The following NEMF variants were observed in gnomAD, a reference collection of about 807,000 sequenced individuals.
The protein encoded by NEMF is nuclear export mediator factor.
Under a neutral mutation model 162.2 loss-of-function variants are expected in NEMF, and 89 were observed. The ratio of observed to expected loss-of-function variants is 0.55; its 90% confidence interval spans 0.46 to 0.65. NEMF has a LOEUF of 0.65. Among genes scored for constraint, NEMF ranks in the 30% least tolerant of loss-of-function variants. NEMF has a pLI of 0.00. For synonymous variants in NEMF, 421 were observed against 404.5 expected, an observed-to-expected ratio of 1.04 and a Z score of -0.49; for missense variants, 1,133 against 1,261.9, an observed-to-expected ratio of 0.90 and a Z score of 1.55.
chr14:49,814,802 G>A lies in NEMF; in HGVS notation c.1633C>T (p.Arg545Ter), dbSNP rs1416180972. 3 of 1,592,972 alleles carry A rather than the reference G, an allele frequency of 1.9e-6. No homozygotes were observed. Among genetic ancestry groups the A allele is most frequent in the Non-Finnish European group, 2.6e-6 (3 of 1,172,426 alleles). Residue 545 changes from arginine (R) to a stop codon, truncating the protein, a stop_gained, in exon 17 of 33, where the codon CGA becomes TGA. Transcript: ENST00000298310. LOFTEE classifies it high-confidence loss of function. The stretch of plus-strand genomic sequence containing the variant: ...ATTATTTCATTCTGTTGCTGATCTC[G>A]TCCACCTATAATTAGATAGTTCTCT... Reference protein sequence around the residue: ...SSENYLIIGGRDQQQNEIIVK... With the variant: ...SSENYLIIGG
At chr14:49,828,892 G>A in intron 13 of NEMF, 85 bp from the exon 14 acceptor site, 1 of 1,289,940 alleles carries the variant, frequency 7.8e-7, no homozygotes, top group Non-Finnish European at 1.0e-6. Context: ...AATTATAAAT[G>A]GTTTACAGTA....
chr14:49,799,715 G>A (rs1377552572), intron 23 of NEMF, 37 bp from the exon 24 acceptor site: 15 of 1,532,740 alleles, frequency 9.8e-6, no homozygotes, highest in Middle Eastern at 1.7e-4. Context: ...CTACTAGCCT[G>A]TAAAAGACAT....
In NEMF at chr14:49,833,432, G is replaced by T; in HGVS notation, c.726C>A (p.Phe242Leu). ...AEDYMKTTSN[F>L]SGKGYIIQKR... ...GTATACATGGTGCTACCTTCCCACTGAAGTTGGATGTTGTTTTCATATAGT... is the reference window on the plus strand; with the variant it reads ...GTATACATGGTGCTACCTTCCCACTTAAGTTGGATGTTGTTTTCATATAGT... Residue 242 changes from phenylalanine (F) to leucine (L), a missense_variant, in exon 8 of 33, where the codon TTC becomes TTA. By Grantham distance (22) the Phe-to-Leu change is conservative (BLOSUM62 0). Coordinates refer to ENST00000298310, the MANE Select transcript of NEMF (RefSeq NM_004713.6). 6.3e-7 allele frequency: 1 copy of T among 1,581,660 alleles called. No individual in the cohort carries two copies. Among genetic ancestry groups the T allele is most frequent in the Non-Finnish European group, 8.6e-7 (1 of 1,157,230 alleles).
intron 19 of NEMF, among the ~76,000 whole-genome samples, chr14:49,805,791 TC>T (rs1156964974): frequency 6.6e-6 from 1 of 152,016 alleles, no homozygotes; most frequent in Admixed American, 6.6e-5. Flanking sequence ...CTAGAAAGGT[TC>T]CCCCAATACT....
At chr14:49,804,006 G>GT (rs1451166617) in intron 19 of NEMF, among the ~76,000 whole-genome samples, 1 of 148,026 alleles carries the variant, frequency 6.8e-6, no homozygotes, top group African/African-American at 2.5e-5. Flanking sequence ...ATAAAGTTTT[G>GT]CCTTTTTTTT....
At position 49,784,470 on chromosome 14, in the gene NEMF, A is replaced by G. The variant is rs922905235; in HGVS notation, c.*166T>C. 5 of 578,120 alleles carry G rather than the reference A, an allele frequency of 8.6e-6. No individual in the cohort carries two copies. The highest frequency in any genetic ancestry group is 9.2e-6 in the Non-Finnish European group (3 of 327,404). 35.8% of individuals were successfully genotyped at this position (578,120 alleles called of 1,614,324 possible). Reference sequence around the variant, plus strand: ...CTATCATAGACAGTGTTTCCTCTATATAAAACTGGGAAAAAACAAGAAGTA... The same window carrying G: ...CTATCATAGACAGTGTTTCCTCTATGTAAAACTGGGAAAAAACAAGAAGTA... On this transcript the variant is annotated 3_prime_UTR_variant, in exon 33 of 33. Transcript: ENST00000298310.
rs1016990670 is a variant in NEMF, at chr14:49,813,864, A to C, written c.1744+124T>G. The C allele has an allele frequency of 7.9e-6, 5 of 633,768 alleles. No homozygotes were observed. The African/African-American group carries it at 9.3e-5, about 12-fold the overall frequency. 39.3% of individuals were successfully genotyped at this position (633,768 alleles called of 1,614,324 possible). A position where few individuals can be genotyped will look rare whatever the true frequency, so the allele number is the denominator to read the frequency against. ...AATAATCCTCACACTTCAGCTTCCC[A>C]AAGTGCTGGGATTACAGGCATGAGC... is the stretch of plus-strand genomic sequence containing the variant. On this transcript the variant is annotated intron_variant, in intron 18 of 32. Coordinates refer to ENST00000298310, the MANE Select transcript of NEMF (RefSeq NM_004713.6).
intron 11 of NEMF, among the ~76,000 whole-genome samples, chr14:49,830,885 T>G (rs895459868): frequency 3.3e-5 from 5 of 152,212 alleles, no homozygotes; most frequent in African/African-American, 1.2e-4. Flanking sequence ...TATTAAGACT[T>G]GGCTTTAAAG....
At chr14:49,810,480 C>T (rs1891425812) in intron 18 of NEMF, among the ~76,000 whole-genome samples, 1 of 152,180 alleles carries the variant, frequency 6.6e-6, no homozygotes, top group South Asian at 2.1e-4. Flanking sequence ...AGGTTTATTT[C>T]TGGAATCTCG....
rs991438415 is a variant in NEMF at position 49,818,421 on chromosome 14, G to A, written c.1578-3564C>T. 12 of 152,092 alleles carry A rather than the reference G, an allele frequency of 7.9e-5. No individual in the cohort carries two copies. The South Asian group carries it at 1.0e-3, about 13-fold the overall frequency. 9.4% of individuals were successfully genotyped at this position (152,092 alleles called of 1,614,324 possible). A position where few individuals can be genotyped will look rare whatever the true frequency, so the allele number is the denominator to read the frequency against. On this transcript the variant is annotated intron_variant, in intron 16 of 32. Transcript: ENST00000298310. ...TCAGACTTAAGAAGCTGAATCCTAA[G>A]CTGATGGTGAAAAAAGCAACAACTA...
chr14:49,811,444 T>C (rs1179578268), intron 18 of NEMF, among the ~76,000 whole-genome samples: 1 of 152,088 alleles, frequency 6.6e-6, no homozygotes, highest in Non-Finnish European at 1.5e-5. Flanking sequence ...TTCTTTTTAT[T>C]GCCTAATGAC....
intron 5 of NEMF, among the ~76,000 whole-genome samples, chr14:49,840,377 G>A (rs895982517): frequency 7.9e-5 from 12 of 151,646 alleles, no homozygotes; most frequent in Non-Finnish European, 1.5e-4. Flanking sequence ...CAGGAGAATC[G>A]CTTGAACCTG....
At chr14:49,787,032 A>G in intron 28 of NEMF, 1 of 305,026 alleles carries the variant, frequency 3.3e-6, no homozygotes, top group South Asian at 7.4e-5. Flanking sequence ...CATATAAAGT[A>G]TATGTTAAAG....
chr14:49,832,959 C>A (rs553388150), intron 8 of NEMF, among the ~76,000 whole-genome samples: 6 of 152,116 alleles, frequency 3.9e-5, no homozygotes, highest in Admixed American at 1.3e-4. Flanking sequence ...TATAAACCAA[C>A]AAAAACTTTT....
At chr14:49,842,670 G>A (rs1041353754) in intron 4 of NEMF, among the ~76,000 whole-genome samples, 8 of 152,220 alleles carry the variant, frequency 5.3e-5, no homozygotes, top group African/African-American at 1.2e-4. Flanking sequence ...CACCATTTAC[G>A]TTGGTTAGAG....
At chr14:49,846,949 A>C (rs1316354300) in intron 3 of NEMF, among the ~76,000 whole-genome samples, 2 of 152,156 alleles carry the variant, frequency 1.3e-5, no homozygotes, top group African/African-American at 2.4e-5. Flanking sequence ...GCAGTGGCAC[A>C]GTCTCAGCTC....
intron 11 of NEMF, among the ~76,000 whole-genome samples, chr14:49,830,618 C>G (rs1180862343): frequency 6.6e-6 from 1 of 152,208 alleles, no homozygotes; most frequent in Non-Finnish European, 1.5e-5. Context: ...CTCCTGACCT[C>G]AAGTGATCTG....
At chr14:49,829,509 T>A in intron 11 of NEMF, 83 bp from the exon 12 acceptor site, 1 of 1,101,828 alleles carries the variant, frequency 9.1e-7, no homozygotes, top group Non-Finnish European at 1.3e-6. Flanking sequence ...ACACTCACTA[T>A]CCTGACCCCA....
At chr14:49,799,801 G>A in intron 23 of NEMF, 123 bp from the exon 24 acceptor site, 1 of 785,044 alleles carries the variant, frequency 1.3e-6, no homozygotes, top group Non-Finnish European at 2.1e-6. Context: ...CAAATTTGGT[G>A]AAGTGAGAAA....
Sources: gnomAD v4.1 joint callset for allele counts (sites outside exome capture counted in the v4.1 genomes callset) on GRCh38, gnomAD v4.1.1 for gene constraint, MANE v1.5 for transcripts, NCBI Gene and HGNC (gene_info 2026-07-23, HGNC 2026-07-21) for gene names.